Variants in DHRS4L2 observed in about 807,000 individuals in gnomAD.
DHRS4L2 encodes the protein dehydrogenase/reductase 4 like 2.
DHRS4L2 carries 22 observed loss-of-function variants against 23.9 expected under a neutral mutation model. That is an observed-to-expected ratio of 0.92 (90% CI 0.66 to 1.31). DHRS4L2 has a LOEUF of 1.31. Ranked by LOEUF, DHRS4L2 falls within the 40% of genes most tolerant of loss-of-function variation. The pLI, the probability that DHRS4L2 is intolerant of heterozygous loss-of-function variation, is 0.00. For synonymous variants in DHRS4L2, 141 were observed against 123.7 expected, an observed-to-expected ratio of 1.14 and a Z score of -0.93; for missense variants, 385 against 303.3, an observed-to-expected ratio of 1.27 and a Z score of -2.00.
intron 2 of DHRS4L2, among the ~76,000 whole-genome samples, chr14:23,993,224 A>G (rs2034304318): frequency 6.6e-6 from 1 of 151,668 alleles, no homozygotes; most frequent in South Asian, 2.1e-4. Flanking sequence ...TGAGACTTAC[A>G]CAGAGCCAAC....
At chr14:23,975,141 A>G (rs1399640191) in intron 1 of DHRS4L2, among the ~76,000 whole-genome samples, 1 of 151,700 alleles carries the variant, frequency 6.6e-6, no homozygotes. Context: ...GAGGAAGTCA[A>G]ATTGTCTCTG....
upstream of DHRS4L2, among the ~76,000 whole-genome samples, chr14:23,988,478 G>C (rs1354641335): frequency 1.3e-5 from 2 of 150,030 alleles, no homozygotes; most frequent in Admixed American, 6.7e-5. Context: ...GGGACCACAG[G>C]CCTCACCTCC....
chr14:23,994,842 T>C (rs2034345581), intron 2 of DHRS4L2, among the ~76,000 whole-genome samples, 190 bp from the exon 3 acceptor site: 2 of 151,738 alleles, frequency 1.3e-5, no homozygotes. Context: ...AAAGATAAGG[T>C]CTCGCTGCAT....
upstream of DHRS4L2, among the ~76,000 whole-genome samples, chr14:23,986,917 A>C (rs191827880): frequency 6.6e-6 from 1 of 151,612 alleles, no homozygotes; most frequent in Non-Finnish European, 1.5e-5. Context: ...TCAATAATTC[A>C]TGAGGCTCAG....
intron 3 of DHRS4L2, among the ~76,000 whole-genome samples, chr14:23,998,683 T>A (rs996315414): frequency 1.3e-5 from 2 of 151,862 alleles, no homozygotes; most frequent in Non-Finnish European, 2.9e-5. Context: ...GTTAGGGCCT[T>A]TTTCTGATTA....
At chr14:23,972,502 T>C (rs1424690187) in intron 1 of DHRS4L2, among the ~76,000 whole-genome samples, 1 of 151,852 alleles carries the variant, frequency 6.6e-6, no homozygotes, top group Non-Finnish European at 1.5e-5. Flanking sequence ...AGCAGCAAGA[T>C]TTATTGCAAA....
At chr14:23,974,587 A>T (rs888012295) in intron 1 of DHRS4L2, among the ~76,000 whole-genome samples, 15 of 151,974 alleles carry the variant, frequency 9.9e-5, no homozygotes, top group African/African-American at 3.4e-4. Context: ...ATCCCACAGA[A>T]ATACACACTA....
chr14:23,998,295 A>G (rs1349463361), intron 3 of DHRS4L2, among the ~76,000 whole-genome samples: 2 of 151,810 alleles, frequency 1.3e-5, no homozygotes, highest in Non-Finnish European at 2.9e-5. Context: ...AATTTTCAGA[A>G]TGGTAAATGA....
upstream of DHRS4L2, among the ~76,000 whole-genome samples, chr14:23,986,615 C>T (rs1436121032): frequency 6.6e-6 from 1 of 151,592 alleles, no homozygotes; most frequent in Non-Finnish European, 1.5e-5. Flanking sequence ...GCTCCCAAGC[C>T]ACAATTCTCT....
chr14:23,975,117 T>G (rs1430119819), intron 1 of DHRS4L2, among the ~76,000 whole-genome samples: 1 of 151,718 alleles, frequency 6.6e-6, no homozygotes, highest in Non-Finnish European at 1.5e-5. Context: ...ATAAAGGGTA[T>G]TCAATTAGGA....
chr14:23,983,382 C>CA (rs899743428), intron 1 of DHRS4L2, among the ~76,000 whole-genome samples: 1 of 151,658 alleles, frequency 6.6e-6, no homozygotes, highest in African/African-American at 2.4e-5. Context: ...CAGGAAACAA[C>CA]AGATGCTGGA....
At chr14:23,974,571 C>T (rs576219252) in intron 1 of DHRS4L2, among the ~76,000 whole-genome samples, 1 of 151,752 alleles carries the variant, frequency 6.6e-6, no homozygotes, top group Non-Finnish European at 1.5e-5. Flanking sequence ...GGGGATATCA[C>T]CAGTGATCCC....
chr14:23,976,999 A>C (rs1471196446), intron 1 of DHRS4L2, among the ~76,000 whole-genome samples: 4 of 151,810 alleles, frequency 2.6e-5, no homozygotes, highest in Non-Finnish European at 5.9e-5. Context: ...GAAATACCTA[A>C]TGTAAATGAC....
rs147428238 is a variant in DHRS4L2, at chr14:23,990,269, G to C, written c.216G>C (p.Ala72=). 13 of 1,612,668 alleles carry C rather than the reference G, an allele frequency of 8.1e-6. 1 individual carries two copies. The highest frequency in any genetic ancestry group is 1.3e-5 in the African/African-American group (1 of 74,952). Residue 72 remains alanine (A), a synonymous_variant, in exon 2 of 8, where the codon GCG becomes GCC. Coordinates refer to ENST00000335125, the MANE Select transcript of DHRS4L2 (RefSeq NM_198083.4). The part of the protein sequence containing the change: ...SSRKQQNVDQ[A]VATLQGEGLS... ...GGAAGCAGCAGAATGTGGACCAGGC[G>C]GTGGCCACGCTGCAGGGGGAGGGGC...
In DHRS4L2 at chr14:23,989,056, G is replaced by A. The variant is rs756901558; in HGVS notation, c.109G>A (p.Val37Ile). 6.3e-7 allele frequency: 1 copy of A among 1,585,562 alleles called. No individual in the cohort carries two copies. Among genetic ancestry groups the A allele is most frequent in the Non-Finnish European group, 8.6e-7 (1 of 1,166,226 alleles). ...CCCGCTCACAAATAAGGTGGCCCTG[G>A]TAACGGCCTCCACCGACGGGTGAGT... ...RDPLTNKVAL[V>I]TASTDGIGFA... The change falls in exon 1 of 8, where the codon GTA becomes ATA. Residue 37 changes from valine to isoleucine, a missense_variant. Val to Ile is a conservative substitution (Grantham distance 29). Coordinates refer to ENST00000335125, the MANE Select transcript of DHRS4L2 (RefSeq NM_198083.4).
intron 7 of DHRS4L2, among the ~76,000 whole-genome samples, chr14:24,005,550 A>T (rs2034555383): frequency 6.6e-6 from 1 of 152,134 alleles, no homozygotes; most frequent in South Asian, 2.1e-4. Context: ...GTGTGTGCAC[A>T]TGTGAAACCA....
In DHRS4L2 at chr14:23,988,937, T is replaced by C. The variant is rs1417406894; in HGVS notation, c.-11T>C. 3 of 1,611,476 alleles carry C rather than the reference T, an allele frequency of 1.9e-6. No homozygotes were observed. Among genetic ancestry groups the C allele is most frequent in the South Asian group, 2.2e-5 (2 of 90,824 alleles). ...TGGAAGGAGTGGAACCCAGACTTGC[T>C]GGTCTGATCCATGCAGATGGCCAGG... On this transcript the variant is annotated 5_prime_UTR_variant, in exon 1 of 8. Transcript: ENST00000335125.
intron 3 of DHRS4L2, 33 bp downstream of exon 3, chr14:23,995,166 C>T (rs2034355327): frequency 1.2e-6 from 2 of 1,604,770 alleles, no homozygotes; most frequent in Non-Finnish European, 1.7e-6. Context: ...CGGAAGGGGG[C>T]CTCGGGACAC....
At chr14:24,001,137 C>T in intron 5 of DHRS4L2, 53 bp downstream of exon 5, 7 of 1,609,426 alleles carry the variant, frequency 4.3e-6, no homozygotes, top group East Asian at 2.2e-5. Flanking sequence ...CCACATCTTT[C>T]CACCCCTCCT....
Sources: allele counts gnomAD v4.1 joint callset (sites outside exome capture counted in the v4.1 genomes callset), GRCh38; gene constraint gnomAD v4.1.1; transcripts MANE v1.5; gene names NCBI Gene and HGNC (gene_info 2026-07-23, HGNC 2026-07-21).